The following PCDH7 variants were observed in gnomAD, a reference collection of about 807,000 sequenced individuals.
PCDH7 encodes protocadherin 7.
In PCDH7, 17 loss-of-function variants were observed where a neutral mutation model predicts 58.9. The ratio of observed to expected loss-of-function variants is 0.29; its 90% CI spans 0.20 to 0.43. The LOEUF is 0.43. PCDH7 is among the 20% of genes least tolerant of loss of function. The probability of loss-of-function intolerance (pLI) is 1.00; values close to 1 mark genes in which losing one functional copy is unlikely to be tolerated. For missense variants in PCDH7, 1,274 were observed against 1,441.0 expected, an observed-to-expected ratio of 0.88 and a Z score of 1.88; for synonymous variants, 664 against 616.4, an observed-to-expected ratio of 1.08 and a Z score of -1.14.
In PCDH7 at chr4:31,103,457, C is replaced by T. The variant is rs867506823; in HGVS notation, c.*8-39016C>T. 4.6e-5 allele frequency among the ~76,000 whole-genome samples: 7 copies of T among 152,134 alleles called. No individual in the cohort carries two copies. In the South Asian group the frequency reaches 1.5e-3, roughly 32 times the overall value. ...CAGTTCAATTCTCGTGCCTCAGCCTCCCAAGTAGCTGGGATTACAGGTGCA... is the reference window on the plus strand; with the variant it reads ...CAGTTCAATTCTCGTGCCTCAGCCTTCCAAGTAGCTGGGATTACAGGTGCA... On this transcript the variant is annotated intron_variant, in intron 3 of 3. Coordinates refer to the PCDH7 transcript ENST00000509759.
intron 1 of PCDH7, among the ~76,000 whole-genome samples, chr4:30,728,110 C>T (rs1022853682): frequency 6.6e-6 from 1 of 151,416 alleles, no homozygotes; most frequent in Non-Finnish European, 1.5e-5. Flanking sequence ...CTTTAGTGAT[C>T]GAATTATGTT....
intron 3 of PCDH7, among the ~76,000 whole-genome samples, chr4:30,961,683 G>T (rs1237513964): frequency 6.6e-6 from 1 of 152,080 alleles, no homozygotes; most frequent in Non-Finnish European, 1.5e-5. Context: ...ATTTAAAAAT[G>T]CAATATTGGT....
In PCDH7 at chr4:30,779,189, G is replaced by GT. The variant is rs574262104; in HGVS notation, c.70+54600dup. 3.8e-3 allele frequency among the ~76,000 whole-genome samples: 580 copies of GT among 151,078 alleles called. 7 individuals are homozygous for GT. Among genetic ancestry groups the GT allele is most frequent in the African/African-American group, 0.013 (518 of 41,174 alleles). ...CAGGTGCTCACCACCACACCCGGCT[G>GT]TTTTTTTGTGTTTTTAGTAGAGACG... On this transcript the variant is annotated intron_variant, in intron 1 of 3. Coordinates refer to the PCDH7 transcript ENST00000509759.
chr4:31,086,640 T>G (rs369068639), intron 3 of PCDH7, among the ~76,000 whole-genome samples: 1 of 152,226 alleles, frequency 6.6e-6, no homozygotes, highest in East Asian at 1.9e-4. Context: ...GATATTTATA[T>G]GTTTATGTTT....
At chr4:31,001,555 A>G (rs1408864862) in intron 3 of PCDH7, among the ~76,000 whole-genome samples, 1 of 152,114 alleles carries the variant, frequency 6.6e-6, no homozygotes, top group East Asian at 1.9e-4. Context: ...CCACACACAC[A>G]CGTACATACA....
intron 1 of PCDH7, among the ~76,000 whole-genome samples, chr4:30,775,964 T>C (rs563407276): frequency 2.1e-4 from 32 of 152,250 alleles, no homozygotes; most frequent in African/African-American, 6.7e-4. Flanking sequence ...GTGTAACGCT[T>C]GGCGATTTTT....
chr4:30,944,815 C>T (rs1423481023), intron 2 of PCDH7, among the ~76,000 whole-genome samples: 1 of 152,020 alleles, frequency 6.6e-6, no homozygotes, highest in East Asian at 1.9e-4. Flanking sequence ...TTACTCAATA[C>T]AATAGTCAAC....
chr4:30,792,719 G>C (rs1724288483), intron 1 of PCDH7, among the ~76,000 whole-genome samples: 1 of 152,122 alleles, frequency 6.6e-6, no homozygotes. Context: ...CTCAGTAGGA[G>C]CTGAGGGGGA....
chr4:30,839,585 G>A (rs969243082), intron 1 of PCDH7, among the ~76,000 whole-genome samples: 4 of 151,988 alleles, frequency 2.6e-5, no homozygotes, highest in South Asian at 2.1e-4. Context: ...CTTACCCCAG[G>A]TCACCCAATA....
At chr4:30,920,620 C>A (rs1743077036) in intron 2 of PCDH7, among the ~76,000 whole-genome samples, 1 of 152,054 alleles carries the variant, frequency 6.6e-6, no homozygotes, top group Non-Finnish European at 1.5e-5. Context: ...TAAATCAGAA[C>A]AGGGCCCACT....
chr4:31,125,145 C>T (rs1718151019), intron 3 of PCDH7, among the ~76,000 whole-genome samples: 1 of 152,050 alleles, frequency 6.6e-6, no homozygotes, highest in African/African-American at 2.4e-5. Context: ...GTAATTTTGT[C>T]TATTTTGACT....
chr4:31,032,706 G>GAGAGGGAGGGAGGGAA (rs1755060686), intron 3 of PCDH7, among the ~76,000 whole-genome samples: 4 of 137,936 alleles, frequency 2.9e-5, no homozygotes, highest in African/African-American at 1.1e-4. Flanking sequence ...GAGGGAGGGA[G>GAGAGGGAGGGAGGGAA]AGAGGGAGGG....
intron 3 of PCDH7, among the ~76,000 whole-genome samples, chr4:31,009,407 G>A (rs13143186): frequency 2.0e-5 from 3 of 151,836 alleles, no homozygotes; most frequent in Admixed American, 6.6e-5. Flanking sequence ...GAATGAAGGT[G>A]TGCATACATT....
intron 1 of PCDH7, among the ~76,000 whole-genome samples, chr4:30,835,008 G>A (rs1730297511): frequency 6.6e-6 from 1 of 151,892 alleles, no homozygotes; most frequent in South Asian, 2.1e-4. Context: ...GTGAGAATAG[G>A]AGAGCCATAT....
intron 1 of PCDH7, among the ~76,000 whole-genome samples, chr4:30,915,129 A>C (rs1742274241): frequency 6.6e-6 from 1 of 152,128 alleles, no homozygotes; most frequent in African/African-American, 2.4e-5. Context: ...GTTTATTTTA[A>C]AGCAAAACTT....
chr4:30,809,288 T>G (rs922739621), intron 1 of PCDH7, among the ~76,000 whole-genome samples: 1 of 152,148 alleles, frequency 6.6e-6, no homozygotes, highest in Admixed American at 6.6e-5. Context: ...CCTCCCCAAC[T>G]ATCTGTGTTG....
At chr4:30,998,040 C>G (rs1371074656) in intron 3 of PCDH7, among the ~76,000 whole-genome samples, 1 of 152,140 alleles carries the variant, frequency 6.6e-6, no homozygotes, top group African/African-American at 2.4e-5. Flanking sequence ...TAAGAAGTTA[C>G]AAACTCTGCC....
intron 3 of PCDH7, among the ~76,000 whole-genome samples, chr4:30,969,818 G>A (rs558781996): frequency 6.6e-6 from 1 of 152,270 alleles, no homozygotes; most frequent in African/African-American, 2.4e-5. Context: ...ACAGATGCTG[G>A]AGTCAGATCT....
chr4:30,802,277 G>A (rs1196770046), intron 1 of PCDH7, among the ~76,000 whole-genome samples: 1 of 138,962 alleles, frequency 7.2e-6, no homozygotes, highest in Non-Finnish European at 1.5e-5. Context: ...AGTTTCATCA[G>A]TATGGTAGCC....
Sources: allele counts gnomAD v4.1 joint callset (sites outside exome capture counted in the v4.1 genomes callset), GRCh38; gene constraint gnomAD v4.1.1; transcripts MANE v1.5; gene names NCBI Gene and HGNC (gene_info 2026-07-23, HGNC 2026-07-21).